Variants in RBMS3 observed in about 807,000 individuals in gnomAD.
The protein encoded by RBMS3 is RNA-binding motif, single-stranded-interacting protein 3.
In RBMS3, 27 loss-of-function variants were observed where a neutral mutation model predicts 66.8. The observed-to-expected ratio is 0.40, with a 90% confidence interval of 0.30 to 0.56. The LOEUF (loss-of-function observed/expected upper bound fraction) is 0.56. RBMS3 is among the 20% of genes least tolerant of loss of function. The pLI, the probability that RBMS3 is intolerant of heterozygous loss-of-function variation, is 0.40. For missense variants in RBMS3, 513 were observed against 549.5 expected (o/e 0.93, Z 0.66); for synonymous variants, 188 against 183.0 (o/e 1.03, Z -0.22).
intron 4 of RBMS3, among the ~76,000 whole-genome samples, chr3:29,714,042 G>A (rs139453043): frequency 1.1e-3 from 164 of 152,172 alleles, no homozygotes; most frequent in African/African-American, 3.7e-3. Context: ...GCAACAGAGG[G>A]CGACTCTGTC....
At chr3:29,440,929 A>G (rs993051112) in intron 2 of RBMS3, among the ~76,000 whole-genome samples, 4 of 152,232 alleles carry the variant, frequency 2.6e-5, no homozygotes, top group African/African-American at 9.6e-5. Flanking sequence ...ACTAAAGGAA[A>G]ACAAGTCATC....
intron 14 of RBMS3, among the ~76,000 whole-genome samples, chr3:29,993,363 A>G (rs1216014537): frequency 1.3e-5 from 2 of 152,224 alleles, no homozygotes; most frequent in Non-Finnish European, 2.9e-5. Context: ...TTGGCTATGT[A>G]TAAAGCATAG....
chr3:29,702,958 C>G (rs1417864519), intron 4 of RBMS3, among the ~76,000 whole-genome samples: 1 of 152,138 alleles, frequency 6.6e-6, no homozygotes, highest in Non-Finnish European at 1.5e-5. Flanking sequence ...TTGTTGGAAG[C>G]CCTAGAGTGG....
intron 1 of RBMS3, among the ~76,000 whole-genome samples, chr3:29,317,293 AT>A (rs1380985097): frequency 2.0e-5 from 3 of 151,722 alleles, no homozygotes; most frequent in Admixed American, 6.6e-5. Context: ...TGGTGAAAGA[AT>A]TTTTTTATCC....
chr3:29,496,189 C>G (rs1156667149), intron 3 of RBMS3, among the ~76,000 whole-genome samples: 58 of 119,280 alleles, frequency 4.9e-4, no homozygotes, highest in African/African-American at 1.8e-3. Flanking sequence ...TATACCCCGC[C>G]CACATCAAAA....
chr3:29,784,780 C>T (rs1052283652), intron 6 of RBMS3, among the ~76,000 whole-genome samples: 11 of 151,748 alleles, frequency 7.2e-5, no homozygotes, highest in Admixed American at 2.6e-4. Flanking sequence ...ATTGATAGAC[C>T]GTTAGCAAAA....
intron 2 of RBMS3, among the ~76,000 whole-genome samples, chr3:29,444,597 G>T (rs2041747791): frequency 6.6e-6 from 1 of 151,840 alleles, no homozygotes; most frequent in African/African-American, 2.4e-5. Context: ...AAAACAGAAT[G>T]ATGAAATGTG....
At chr3:29,343,545 A>G (rs1166852188) in intron 1 of RBMS3, among the ~76,000 whole-genome samples, 3 of 152,136 alleles carry the variant, frequency 2.0e-5, no homozygotes, top group African/African-American at 7.2e-5. Flanking sequence ...TTATTTATGA[A>G]CAGTTTTTAT....
chr3:29,965,356 T>A (rs1440178299), intron 12 of RBMS3, among the ~76,000 whole-genome samples: 1 of 152,160 alleles, frequency 6.6e-6, no homozygotes, highest in Non-Finnish European at 1.5e-5. Context: ...TTTAGAAGTG[T>A]TCCCTGATTA....
At chr3:29,992,925 A>G (rs2125378892) in intron 14 of RBMS3, among the ~76,000 whole-genome samples, 1 of 152,296 alleles carries the variant, frequency 6.6e-6, no homozygotes, top group African/African-American at 2.4e-5. Flanking sequence ...TGGGGGCAAA[A>G]GTCTACGCCT....
chr3:29,370,003 A>G (rs1331374228), intron 1 of RBMS3, among the ~76,000 whole-genome samples: 1 of 152,168 alleles, frequency 6.6e-6, no homozygotes, highest in African/African-American at 2.4e-5. Flanking sequence ...GTTTAAAATT[A>G]TGTCTTCCTA....
chr3:29,968,628 T>TG (rs1278438354), intron 12 of RBMS3, among the ~76,000 whole-genome samples: 2 of 152,162 alleles, frequency 1.3e-5, no homozygotes, highest in African/African-American at 4.8e-5. Flanking sequence ...GCTTCTCCAG[T>TG]GGGGGTGTGT....
chr3:29,753,423 C>T (rs1435380193), intron 5 of RBMS3, among the ~76,000 whole-genome samples: 1 of 152,204 alleles, frequency 6.6e-6, no homozygotes, highest in Non-Finnish European at 1.5e-5. Context: ...ACCACCCTCC[C>T]ACAGGAGGAG....
intron 1 of RBMS3, among the ~76,000 whole-genome samples, chr3:29,293,116 T>TA (rs770893532): frequency 6.6e-6 from 1 of 151,882 alleles, no homozygotes; most frequent in Non-Finnish European, 1.5e-5. Flanking sequence ...AGAACCTGTA[T>TA]AAAAGCCTTC....
chr3:29,353,861 A>T (rs1286714715), intron 1 of RBMS3, among the ~76,000 whole-genome samples: 3 of 152,236 alleles, frequency 2.0e-5, no homozygotes, highest in East Asian at 3.9e-4. Context: ...AATTTCACTG[A>T]TAAACATATG....
At chr3:29,759,876 G>GTCAC (rs1403951368) in intron 5 of RBMS3, among the ~76,000 whole-genome samples, 3 of 152,056 alleles carry the variant, frequency 2.0e-5, no homozygotes, top group African/African-American at 7.2e-5. Context: ...AAATGGAATT[G>GTCAC]TCACTGCTGG....
chr3:29,321,628 G>A (rs2035012166), intron 1 of RBMS3, among the ~76,000 whole-genome samples: 1 of 152,126 alleles, frequency 6.6e-6, no homozygotes, highest in Admixed American at 6.6e-5. Flanking sequence ...TCATTTTAAT[G>A]TTCTGTGTAA....
In RBMS3 at chr3:29,938,823, T is replaced by C. The variant is rs531120759; in HGVS notation, c.1050+2627T>C. On this transcript the variant is annotated intron_variant, in intron 11 of 14. Coordinates refer to ENST00000383767, the MANE Select transcript of RBMS3 (RefSeq NM_001003793.3). ...CCTGACTTTGTTCCCTTATTAGCTCTGCATGTTTAGGCAGGTTACTTAACC... is the reference window on the plus strand; with the variant it reads ...CCTGACTTTGTTCCCTTATTAGCTCCGCATGTTTAGGCAGGTTACTTAACC... Among the ~76,000 whole-genome samples, 7 of 152,130 alleles carry C rather than the reference T, an allele frequency of 4.6e-5. No homozygotes were observed. In the East Asian group the frequency reaches 9.7e-4, roughly 21 times the overall value.
At chr3:29,599,930 C>CA in intron 4 of RBMS3, among the ~76,000 whole-genome samples, 1 of 151,334 alleles carries the variant, frequency 6.6e-6, no homozygotes, top group South Asian at 2.1e-4. Flanking sequence ...ATATAGTAAA[C>CA]AAAAAAAGAT....
Sources: gnomAD v4.1 joint callset for allele counts (sites outside exome capture counted in the v4.1 genomes callset) on GRCh38, gnomAD v4.1.1 for gene constraint, MANE v1.5 for transcripts, NCBI Gene and HGNC (gene_info 2026-07-23, HGNC 2026-07-21) for gene names.